Variants in NAP1L4 observed in about 807,000 individuals in gnomAD.
NAP1L4 encodes the protein nucleosome assembly protein 1-like 4.
A neutral mutation model predicts 58.2 loss-of-function variants in NAP1L4; 15 were observed. That is an observed-to-expected ratio of 0.26 (90% CI 0.17 to 0.40). The LOEUF is 0.40. Among genes scored for constraint, NAP1L4 ranks in the 10% least tolerant of loss-of-function variants. The pLI, the probability that NAP1L4 is intolerant of heterozygous loss-of-function variation, is 1.00. For synonymous variants in NAP1L4, 171 were observed against 155.6 expected (o/e 1.10, Z -0.74); for missense variants, 384 against 451.1 (o/e 0.85, Z 1.35).
intron 12 of NAP1L4, chr11:2,952,053 T>C: frequency 1.7e-6 from 1 of 593,322 alleles, no homozygotes; most frequent in Non-Finnish European, 3.0e-6. Flanking sequence ...TCAGCCAGGG[T>C]GTACCCTGGA....
chr11:2,991,284 AGGCCATCCTTCGCT>A (rs574990526), intron 1 of NAP1L4: 86 of 372,094 alleles, frequency 2.3e-4, no homozygotes, highest in South Asian at 1.4e-3. Context: ...TATCATGACC[AGGCCATCCTTCGCT>A]GGGGTGAACG....
At chr11:2,965,353 A>G (rs1847205574) in intron 7 of NAP1L4, among the ~76,000 whole-genome samples, 1 of 152,214 alleles carries the variant, frequency 6.6e-6, no homozygotes, top group Non-Finnish European at 1.5e-5. Flanking sequence ...TACGCTGCAA[A>G]CCTGAACAGC....
intron 8 of NAP1L4, among the ~76,000 whole-genome samples, chr11:2,962,802 T>C (rs1458104895): frequency 1.3e-5 from 2 of 151,170 alleles, no homozygotes; most frequent in Non-Finnish European, 1.5e-5. Flanking sequence ...CAAACAGGTG[T>C]CCAATAAGAA....
chr11:2,964,859 T>G (rs553008489), intron 7 of NAP1L4, 108 bp from the exon 8 acceptor site: 21 of 775,164 alleles, frequency 2.7e-5, no homozygotes, highest in Non-Finnish European at 3.8e-5. Flanking sequence ...ACTAGCCCTA[T>G]TGGAATTCTG....
rs896971475 is a variant in NAP1L4, at chr11:2,970,200, G to A, written c.403-266C>T. 7.9e-5 allele frequency among the ~76,000 whole-genome samples: 12 copies of A among 152,140 alleles called. No individual in the cohort carries two copies. In the East Asian group the frequency reaches 9.6e-4, roughly 12 times the overall value. ...ACTAAAGAGATGACAAAGTGCCACC[G>A]ACGCTGGGAAAGGCCATCCAGTGCT... On this transcript the variant is annotated intron_variant, in intron 6 of 15. Transcript: ENST00000380542.
chr11:2,983,522 T>C (rs1191738934), intron 1 of NAP1L4, among the ~76,000 whole-genome samples: 1 of 151,806 alleles, frequency 6.6e-6, no homozygotes, highest in African/African-American at 2.4e-5. Flanking sequence ...CAGCCCGGCA[T>C]GTGCTGTTTA....
At chr11:2,974,225 C>T (rs1847820869) in intron 4 of NAP1L4, among the ~76,000 whole-genome samples, 1 of 152,076 alleles carries the variant, frequency 6.6e-6, no homozygotes, top group African/African-American at 2.4e-5. Context: ...TGGTGTGCTG[C>T]ACCCATTAAC....
At chr11:2,980,730 C>CA (rs373358096) in intron 1 of NAP1L4, among the ~76,000 whole-genome samples, 3 of 151,732 alleles carry the variant, frequency 2.0e-5, no homozygotes, top group Non-Finnish European at 4.4e-5. Context: ...AAACCAACAA[C>CA]AAAAAAACCC....
chr11:2,991,407 A>C lies in NAP1L4; in HGVS notation c.-18+847T>G, dbSNP rs60459777. 1.5e-5 allele frequency: 3 copies of C among 201,556 alleles called. No homozygotes were observed. The East Asian group carries it at 3.9e-4, about 26-fold the overall frequency. The allele number at this position is 201,556 out of a possible 1,614,324, so 12.5% of individuals were successfully genotyped here. A position where few individuals can be genotyped will look rare whatever the true frequency, so the allele number is the denominator to read the frequency against. ...TCCACCATCTCTGAACTGAAAGAAA[A>C]GCATGGCACTTTCCCATCCATAACA... On this transcript the variant is annotated intron_variant, in intron 1 of 15. Transcript: ENST00000380542.
At chr11:2,945,915 TG>T (rs1354044939) in intron 15 of NAP1L4, among the ~76,000 whole-genome samples, 2 of 152,110 alleles carry the variant, frequency 1.3e-5, no homozygotes, top group East Asian at 1.9e-4. Flanking sequence ...TGGGGCTCCT[TG>T]GGGTGGTGGA....
intron 1 of NAP1L4, chr11:2,989,943 G>A (rs765406435): frequency 2.0e-5 from 3 of 152,182 alleles, no homozygotes; most frequent in Non-Finnish European, 4.4e-5. Flanking sequence ...TGTACATTTT[G>A]AGGACATCCT....
intron 15 of NAP1L4, among the ~76,000 whole-genome samples, chr11:2,947,106 A>AT (rs552850168): frequency 1.0e-3 from 158 of 152,326 alleles, no homozygotes; most frequent in Middle Eastern, 6.8e-3. Context: ...GGACTTTATA[A>AT]TTTATCCTAC....
chr11:2,946,931 A>T lies in NAP1L4; in HGVS notation c.*33-1285T>A, dbSNP rs1845969306. Among the ~76,000 whole-genome samples, 1 of 152,130 alleles carries T rather than the reference A, an allele frequency of 6.6e-6. No homozygotes were observed. The highest frequency in any genetic ancestry group is 2.1e-4 in the South Asian group (1 of 4,822). ...CGCCCCGAGCAGGAGCAGTGAGGGG[A>T]GGAGTGGGACAAGCAGTGTGCCTCC... On this transcript the variant is annotated intron_variant, in intron 15 of 15. Coordinates refer to ENST00000380542, the MANE Select transcript of NAP1L4 (RefSeq NM_005969.4). The surrounding 1 kb of genome is among the most constrained non-coding windows in gnomAD (Gnocchi z 4.8).
rs1008166593 is a variant in NAP1L4 at position 2,946,359 on chromosome 11, A to G, written c.*33-713T>C. Among the ~76,000 whole-genome samples, 6 of 152,218 alleles carry G rather than the reference A, an allele frequency of 3.9e-5. No homozygotes were observed. Among genetic ancestry groups the G allele is most frequent in the Non-Finnish European group, 5.9e-5 (4 of 68,044 alleles). ...CTCCCAGAGGAATGGATTAACTCCA[A>G]TATTATCTAACACAGAGATCTTGTA... On this transcript the variant is annotated intron_variant, in intron 15 of 15. Coordinates refer to ENST00000380542, the MANE Select transcript of NAP1L4 (RefSeq NM_005969.4). The surrounding 1 kb of genome is among the most constrained non-coding windows in gnomAD (Gnocchi z 4.8).
chr11:2,987,820 C>G (rs1428049430), intron 1 of NAP1L4, among the ~76,000 whole-genome samples: 1 of 151,130 alleles, frequency 6.6e-6, no homozygotes, highest in Non-Finnish European at 1.5e-5. Context: ...ACAAGTTCCA[C>G]GAGGGCAGGG....
In NAP1L4 at chr11:2,971,034, T is replaced by G. The variant is rs1365767435; in HGVS notation, c.402+414A>C. Among the ~76,000 whole-genome samples, 2 of 152,132 alleles carry G rather than the reference T, an allele frequency of 1.3e-5. No individual in the cohort carries two copies. The highest frequency in any genetic ancestry group is 2.9e-5 in the Non-Finnish European group (2 of 68,024). ...ACTGATGGCCACACCACAACCACCA[T>G]CTGCAACCAATCCACTGGCGGAGCA... is the stretch of plus-strand genomic sequence containing the variant. On this transcript the variant is annotated intron_variant, in intron 6 of 15. Transcript: ENST00000380542. This position sits in a 1 kb window ranked among gnomAD's most constrained non-coding sequence, Gnocchi z 4.2.
In NAP1L4 at chr11:2,951,850, T is replaced by A; in HGVS notation, c.1036-41A>T. The A allele has an allele frequency of 6.2e-7, 1 of 1,600,822 alleles. No homozygotes were observed. Among genetic ancestry groups the A allele is most frequent in the Non-Finnish European group, 8.6e-7 (1 of 1,168,488 alleles). ...AAAACATTTTTAGGTTTACAAAACA[T>A]GACAGCAGCCTGCCCAAGACACCAG... On this transcript the variant is annotated intron_variant, in intron 12 of 15. Coordinates refer to ENST00000380542, the MANE Select transcript of NAP1L4 (RefSeq NM_005969.4). This position sits in a 1 kb window ranked among gnomAD's most constrained non-coding sequence, Gnocchi z 4.0.
intron 1 of NAP1L4, among the ~76,000 whole-genome samples, chr11:2,984,956 G>A (rs1342029523): frequency 1.3e-5 from 2 of 152,224 alleles, no homozygotes; most frequent in African/African-American, 2.4e-5. Context: ...AAGTGTTTCA[G>A]ATTTTAGAAT....
At position 2,967,949 on chromosome 11, in the gene NAP1L4, T is replaced by C. The variant is rs1847385727; in HGVS notation, c.534+1854A>G. Reference sequence around the variant, plus strand: ...CAGTGACCCCAATGCCATAACCAGGTGGCCACACGCACAGAAGGGGACACC... The same window carrying C: ...CAGTGACCCCAATGCCATAACCAGGCGGCCACACGCACAGAAGGGGACACC... On this transcript the variant is annotated intron_variant, in intron 7 of 15. Coordinates refer to ENST00000380542, the MANE Select transcript of NAP1L4 (RefSeq NM_005969.4). Among the ~76,000 whole-genome samples the C allele has an allele frequency of 2.6e-5, 4 of 152,002 alleles. No individual in the cohort carries two copies. In the South Asian group the frequency reaches 6.2e-4, roughly 24 times the overall value.
Sources: gnomAD v4.1 joint callset for allele counts (sites outside exome capture counted in the v4.1 genomes callset) on GRCh38, gnomAD v4.1.1 for gene constraint, Gnocchi (gnomAD v3.1) non-coding constraint, MANE v1.5 for transcripts, NCBI Gene and HGNC (gene_info 2026-07-23, HGNC 2026-07-21) for gene names.